The following DAB1 variants were observed in gnomAD, a reference collection of about 807,000 sequenced individuals.
DAB1 encodes disabled homolog 1.
In DAB1, 15 loss-of-function variants were observed where a neutral mutation model predicts 64.6. The observed-to-expected ratio is 0.23, with a 90% CI of 0.16 to 0.36. The LOEUF is 0.36. Among genes scored for constraint, DAB1 ranks in the 10% least tolerant of loss-of-function variants. The probability of loss-of-function intolerance (pLI) is 1.00; values close to 1 mark genes in which losing one functional copy is unlikely to be tolerated. For synonymous variants in DAB1, 235 were observed against 251.9 expected, an observed-to-expected ratio of 0.93 and a Z score of 0.64; for missense variants, 596 against 706.7, an observed-to-expected ratio of 0.84 and a Z score of 1.78.
intron 4 of DAB1, among the ~76,000 whole-genome samples, chr1:57,085,670 T>C (rs1652997564): frequency 6.6e-6 from 1 of 152,188 alleles, no homozygotes; most frequent in Non-Finnish European, 1.5e-5. Flanking sequence ...TCCCTTCATG[T>C]GTATAATTAC....
At chr1:57,033,483 T>G (rs770128122) in intron 9 of DAB1, 1 of 1,612,700 alleles carries the variant, frequency 6.2e-7, no homozygotes, top group Non-Finnish European at 8.5e-7. Flanking sequence ...GATGAGAAAA[T>G]GACATGAAAC....
chr1:57,712,502 A>G (rs1200452159), intron 6 of DAB1, among the ~76,000 whole-genome samples: 1 of 152,214 alleles, frequency 6.6e-6, no homozygotes, highest in Non-Finnish European at 1.5e-5. Context: ...TGATGTACCC[A>G]ATATTCCAAA....
At chr1:57,336,502 C>A (rs1181328156) in intron 1 of DAB1, among the ~76,000 whole-genome samples, 1 of 152,238 alleles carries the variant, frequency 6.6e-6, no homozygotes, top group African/African-American at 2.4e-5. Flanking sequence ...CTCACAGCAA[C>A]ACTAGGAAGG....
chr1:57,669,364 T>C (rs1048350348), intron 6 of DAB1, among the ~76,000 whole-genome samples: 8 of 152,186 alleles, frequency 5.3e-5, no homozygotes, highest in African/African-American at 1.4e-4. Context: ...TATAAGAATG[T>C]ATACATTCAG....
intron 6 of DAB1, among the ~76,000 whole-genome samples, chr1:57,782,524 A>G (rs1650148771): frequency 6.6e-6 from 1 of 152,202 alleles, no homozygotes; most frequent in South Asian, 2.1e-4. Flanking sequence ...ATATTATGTT[A>G]TCATCTATGC....
intron 6 of DAB1, among the ~76,000 whole-genome samples, chr1:57,769,825 A>G (rs3118059): frequency 0.39 from 58,963 of 152,018 alleles, 12,008 homozygotes; most frequent in East Asian, 0.62. Flanking sequence ...TGGAAAAATT[A>G]TCATCATCCT....
chr1:57,494,943 C>T (rs1284469588), intron 7 of DAB1, among the ~76,000 whole-genome samples: 1 of 152,088 alleles, frequency 6.6e-6, no homozygotes, highest in Non-Finnish European at 1.5e-5. Context: ...AGTGTCAGCA[C>T]GGATGACACA....
At chr1:58,166,320 C>G (rs1423589169) in intron 4 of DAB1, among the ~76,000 whole-genome samples, 2 of 152,200 alleles carry the variant, frequency 1.3e-5, no homozygotes. Flanking sequence ...TAGTCAATCC[C>G]TGTTCCCACG....
intron 4 of DAB1, among the ~76,000 whole-genome samples, chr1:58,222,842 A>G (rs1659249373): frequency 6.6e-6 from 1 of 152,206 alleles, no homozygotes; most frequent in African/African-American, 2.4e-5. Flanking sequence ...TACATAGTAC[A>G]GTGTATTTCC....
intron 3 of DAB1, among the ~76,000 whole-genome samples, chr1:58,377,595 C>T (rs1644341181): frequency 7.3e-6 from 1 of 137,424 alleles, no homozygotes. Context: ...CGACCTTTCT[C>T]TCTAGCTGCC....
chr1:58,178,803 G>A (rs907890185), intron 4 of DAB1, among the ~76,000 whole-genome samples: 2 of 152,150 alleles, frequency 1.3e-5, no homozygotes, highest in Admixed American at 6.5e-5. Flanking sequence ...ACTGAATGCA[G>A]GCCAAATTTA....
intron 5 of DAB1, among the ~76,000 whole-genome samples, chr1:57,980,837 T>C (rs577685501): frequency 6.6e-6 from 1 of 152,200 alleles, no homozygotes; most frequent in Admixed American, 6.6e-5. Flanking sequence ...TCATTCCTTT[T>C]CTGTAAATCT....
At chr1:57,969,844 G>C (rs1387516617) in intron 5 of DAB1, among the ~76,000 whole-genome samples, 1 of 152,106 alleles carries the variant, frequency 6.6e-6, no homozygotes, top group Non-Finnish European at 1.5e-5. Context: ...GATCAGTTTT[G>C]TGCTTTAGAT....
At chr1:57,553,408 A>AAAAGAC (rs1644940472) in intron 7 of DAB1, among the ~76,000 whole-genome samples, 1 of 15,006 alleles carries the variant, frequency 6.7e-5, no homozygotes, top group African/African-American at 8.7e-5. Context: ...GAAAGAAAGA[A>AAAAGAC]AGAAAGAAAG....
intron 5 of DAB1, among the ~76,000 whole-genome samples, chr1:57,918,757 G>A (rs1052558274): frequency 2.0e-5 from 3 of 152,102 alleles, no homozygotes; most frequent in Non-Finnish European, 4.4e-5. Context: ...CCAGGAGGCA[G>A]AGCTTGCGGT....
intron 7 of DAB1, among the ~76,000 whole-genome samples, chr1:57,519,574 C>T (rs529907832): frequency 6.6e-6 from 1 of 152,242 alleles, no homozygotes; most frequent in East Asian, 1.9e-4. Context: ...ATCAAAGCCC[C>T]TAGATGCAGT....
chr1:58,518,792 TAAA>T (rs1393104114), intron 2 of DAB1, among the ~76,000 whole-genome samples: 1 of 152,012 alleles, frequency 6.6e-6, no homozygotes, highest in Non-Finnish European at 1.5e-5. Flanking sequence ...ATCTGTGAAA[TAAA>T]GAAGAGGAGA....
intron 6 of DAB1, among the ~76,000 whole-genome samples, chr1:57,704,054 G>C (rs1354675084): frequency 6.6e-6 from 1 of 152,138 alleles, no homozygotes; most frequent in Admixed American, 6.5e-5. Flanking sequence ...AGGGTGAGAG[G>C]AGGGAGAGGA....
At chr1:58,133,358 T>C (rs1009634985) in intron 5 of DAB1, among the ~76,000 whole-genome samples, 3 of 152,226 alleles carry the variant, frequency 2.0e-5, no homozygotes, top group Non-Finnish European at 4.4e-5. Context: ...TCGTACTCTC[T>C]GGGACTCCCT....
Sources: allele counts gnomAD v4.1 joint callset (sites outside exome capture counted in the v4.1 genomes callset), GRCh38; gene constraint gnomAD v4.1.1; transcripts MANE v1.5; gene names NCBI Gene and HGNC (gene_info 2026-07-23, HGNC 2026-07-21).